The following PATZ1 variants were observed in gnomAD, a reference collection of about 807,000 sequenced individuals.
The protein encoded by PATZ1 is POZ-, AT hook-, and zinc finger-containing protein 1.
Under a neutral mutation model 46.2 loss-of-function variants are expected in PATZ1, and 9 were observed. The observed-to-expected ratio is 0.19, with a 90% CI of 0.12 to 0.34. PATZ1 has a LOEUF of 0.34. PATZ1 is among the 10% of genes least tolerant of loss of function. PATZ1 has a pLI of 1.00. For missense variants in PATZ1, 632 were observed against 923.0 expected, an observed-to-expected ratio of 0.68 and a Z score of 4.08; for synonymous variants, 426 against 378.6, an observed-to-expected ratio of 1.13 and a Z score of -1.45.
Position 31,345,765 on chromosome 22 carries a change from C to G in PATZ1, c.-163G>C. The G allele has an allele frequency of 4.4e-6, 3 of 685,526 alleles. No homozygotes were observed. Among genetic ancestry groups the G allele is most frequent in the Admixed American group, 6.2e-5 (2 of 32,320 alleles). The allele number at this position is 685,526 out of a possible 1,614,324, so 42.5% of individuals were successfully genotyped here. ...TGCGCCGAGTGTACACGCCCCCAGC[C>G]CGGATCAGACTGTCTAGACTGCGGG... On this transcript the variant is annotated 5_prime_UTR_variant, in exon 1 of 5. Coordinates refer to ENST00000266269, the MANE Select transcript of PATZ1 (RefSeq NM_014323.3). This position sits in a 1 kb window ranked among gnomAD's most constrained non-coding sequence, Gnocchi z 7.4.
rs761667283 is a variant in PATZ1 at position 31,338,608 on chromosome 22, C to G, written c.1336-2745G>C. 1.4e-3 allele frequency among the ~76,000 whole-genome samples: 214 copies of G among 152,302 alleles called. 5 individuals are homozygous for G. The highest frequency in any genetic ancestry group is 7.4e-5 in the Non-Finnish European group (5 of 68,024). On this transcript the variant is annotated intron_variant, in intron 2 of 4. Coordinates refer to ENST00000266269, the MANE Select transcript of PATZ1 (RefSeq NM_014323.3). ...AGAGCAGGGGCTGCATAAACACCCC[C>G]GGGAAAGAGAGGTACACCTGTTGAT...
Position 31,326,154 on chromosome 22 carries a change from T to G in PATZ1, c.*737A>C, listed in dbSNP as rs1392627940. The G allele has an allele frequency of 4.5e-6, 1 of 222,736 alleles. No homozygotes were observed. The highest frequency in any genetic ancestry group is 6.6e-5 in the East Asian group (1 of 15,242). 13.8% of individuals were successfully genotyped at this position (222,736 alleles called of 1,614,324 possible). A position where few individuals can be genotyped will look rare whatever the true frequency, so the allele number is the denominator to read the frequency against. The stretch of plus-strand genomic sequence containing the variant: ...GCTTTCAGTAGCAATTCACTACAAC[T>G]GGTCCTAAAAAATAATAACAATAAT... On this transcript the variant is annotated 3_prime_UTR_variant, in exon 5 of 5. Transcript: ENST00000266269.
chr22:31,336,475 A>C (rs131209), intron 2 of PATZ1, among the ~76,000 whole-genome samples: 1 of 151,870 alleles, frequency 6.6e-6, no homozygotes, highest in Non-Finnish European at 1.5e-5. Context: ...TTCTGACGAC[A>C]TGAGAATTAG....
At position 31,326,552 on chromosome 22, in the gene PATZ1, G is replaced by A; in HGVS notation, c.*339C>T. 3.4e-6 allele frequency: 1 copy of A among 294,476 alleles called. No homozygotes were observed. The highest frequency in any genetic ancestry group is 6.4e-6 in the Non-Finnish European group (1 of 156,596). The allele number at this position is 294,476 out of a possible 1,614,324, so 18.2% of individuals were successfully genotyped here. A position where few individuals can be genotyped will look rare whatever the true frequency, so the allele number is the denominator to read the frequency against. On this transcript the variant is annotated 3_prime_UTR_variant, in exon 5 of 5. Transcript: ENST00000266269. ...AGGTCCCAGAATATCATAGATTTGGGTATAGGATTGGGGTCACTAAGAATT... is the reference window on the plus strand; with the variant it reads ...AGGTCCCAGAATATCATAGATTTGGATATAGGATTGGGGTCACTAAGAATT...
chr22:31,326,861 GGT>G lies in PATZ1; in HGVS notation c.*28_*29del, dbSNP rs1569022556. On this transcript the variant is annotated 3_prime_UTR_variant, in exon 5 of 5. Coordinates refer to ENST00000266269, the MANE Select transcript of PATZ1 (RefSeq NM_014323.3). ...CAGCATTTCCCAGCAGTCCCCAGATGGTTGTTTCCGTGGGGACACAGCAGCTG... is the reference window on the plus strand; with the variant it reads ...CAGCATTTCCCAGCAGTCCCCAGATGTGTTTCCGTGGGGACACAGCAGCTG... 3.2e-6 allele frequency: 5 copies of G among 1,574,840 alleles called. No individual in the cohort carries two copies. Among genetic ancestry groups the G allele is most frequent in the Non-Finnish European group, 4.3e-6 (5 of 1,155,460 alleles).
intron 3 of PATZ1, among the ~76,000 whole-genome samples, chr22:31,332,438 A>G (rs2049455393): frequency 6.6e-6 from 1 of 152,246 alleles, no homozygotes; most frequent in Non-Finnish European, 1.5e-5. Flanking sequence ...GGAGATGCTG[A>G]GCACACATAT....
At position 31,344,321 on chromosome 22, in the gene PATZ1, C is replaced by A. The variant is rs183514009; in HGVS notation, c.1271+11G>T. The stretch of plus-strand genomic sequence containing the variant: ...CGTGTGGCAGGGGAGGAAGAGGGGG[C>A]CTTTCCTCACCTGGAGAAGCCTTTC... On this transcript the variant is annotated intron_variant, in intron 1 of 4. Coordinates refer to ENST00000266269, the MANE Select transcript of PATZ1 (RefSeq NM_014323.3). 6 of 1,583,380 alleles carry A rather than the reference C, an allele frequency of 3.8e-6. No individual in the cohort carries two copies. Among genetic ancestry groups the A allele is most frequent in the Non-Finnish European group, 5.2e-6 (6 of 1,164,034 alleles).
At chr22:31,339,181 T>G (rs1288461185) in intron 2 of PATZ1, among the ~76,000 whole-genome samples, 1 of 152,240 alleles carries the variant, frequency 6.6e-6, no homozygotes, top group East Asian at 1.9e-4. Flanking sequence ...CAGACTGGGC[T>G]GGCTTCCCCC....
rs150418532 is a variant in PATZ1, at chr22:31,335,546, G to A, written c.1507+146C>T. 6,812 of 713,286 alleles carry A rather than the reference G, an allele frequency of 9.6e-3. 47 individuals are homozygous for A. The highest frequency in any genetic ancestry group is 0.012 in the Non-Finnish European group (5,166 of 434,834). 44.2% of individuals were successfully genotyped at this position (713,286 alleles called of 1,614,324 possible). A position where few individuals can be genotyped will look rare whatever the true frequency, so the allele number is the denominator to read the frequency against. On this transcript the variant is annotated intron_variant, in intron 3 of 4. Coordinates refer to ENST00000266269, the MANE Select transcript of PATZ1 (RefSeq NM_014323.3). ...GAAGAGGTAGCAAATAGCTAGTTGGGTGATGAAGGTGTTTATCATTCAGTG... is the reference window on the plus strand; with the variant it reads ...GAAGAGGTAGCAAATAGCTAGTTGGATGATGAAGGTGTTTATCATTCAGTG...
intron 2 of PATZ1, among the ~76,000 whole-genome samples, chr22:31,339,229 G>A (rs1244754503): frequency 6.6e-6 from 1 of 152,168 alleles, no homozygotes; most frequent in African/African-American, 2.4e-5. Flanking sequence ...AGGAATGAAA[G>A]CTAACTTTCG....
Position 31,345,586 on chromosome 22 carries a change from T to C in PATZ1, c.17A>G (p.Asp6Gly). The C allele has an allele frequency of 6.3e-7, 1 of 1,592,504 alleles. No individual in the cohort carries two copies. The highest frequency in any genetic ancestry group is 8.6e-7 in the Non-Finnish European group (1 of 1,164,348). ...GCAGCCAGACGGGCCGCACGAAGCG[T>C]CGTTCACCCGCTCCATGGCCGCCGC... MERVN[D>G]ASCGPSGCYT... Residue 6 changes from aspartate (D) to glycine (G), a missense_variant, in exon 1 of 5, where the codon GAC (aspartate) becomes GGC (glycine). Asp to Gly is a moderately conservative substitution (Grantham distance 94). Around this residue, in one of 7 missense-constraint regions of PATZ1, gnomAD observed 30 missense variants for 27.7 expected, o/e 1.08. Coordinates refer to ENST00000266269, the MANE Select transcript of PATZ1 (RefSeq NM_014323.3). This position sits in a 1 kb window ranked among gnomAD's most constrained non-coding sequence, Gnocchi z 7.4.
intron 2 of PATZ1, among the ~76,000 whole-genome samples, chr22:31,339,493 G>C (rs371791127): frequency 6.6e-6 from 1 of 152,172 alleles, no homozygotes. Context: ...AAGGGGCGGA[G>C]GGAGACAGAT....
intron 2 of PATZ1, 75 bp downstream of exon 2, chr22:31,342,822 C>A: frequency 6.5e-7 from 1 of 1,528,992 alleles, no homozygotes; most frequent in Non-Finnish European, 9.0e-7. Flanking sequence ...GCACACGCAG[C>A]GGCTGGCTCA....
At position 31,345,863 on chromosome 22, in the gene PATZ1, G is replaced by A. The variant is rs1419339452; in HGVS notation, c.-261C>T. On this transcript the variant is annotated 5_prime_UTR_variant, in exon 1 of 5. Transcript: ENST00000266269. This position sits in a 1 kb window ranked among gnomAD's most constrained non-coding sequence, Gnocchi z 7.4. ...GCCACTCTCTCCTCTCCGCCCGCCC[G>A]CCTCCCCTTCCCGGTCTACCTTCCG... is the stretch of plus-strand genomic sequence containing the variant. 7 of 396,498 alleles carry A rather than the reference G, an allele frequency of 1.8e-5. No individual in the cohort carries two copies. In the East Asian group the frequency reaches 2.2e-4, roughly 13 times the overall value. The allele number at this position is 396,498 out of a possible 1,614,324, so 24.6% of individuals were successfully genotyped here.
intron 1 of PATZ1, 126 bp downstream of exon 1, chr22:31,344,206 C>G (rs2145829886): frequency 3.5e-6 from 3 of 856,962 alleles, no homozygotes; most frequent in South Asian, 1.7e-5. Flanking sequence ...AACACTCTAC[C>G]CAAACCTGGC....
intron 3 of PATZ1, among the ~76,000 whole-genome samples, chr22:31,334,879 C>T (rs1176121946): frequency 6.6e-6 from 1 of 152,156 alleles, no homozygotes; most frequent in Non-Finnish European, 1.5e-5. Flanking sequence ...CATCCCAGTG[C>T]TCCCCACTGG....
chr22:31,339,943 A>T (rs2049559550), intron 2 of PATZ1, among the ~76,000 whole-genome samples: 1 of 152,180 alleles, frequency 6.6e-6, no homozygotes, highest in Non-Finnish European at 1.5e-5. Context: ...AGCCCTGGAA[A>T]ACTCTAAGGG....
intron 3 of PATZ1, chr22:31,335,433 C>A: frequency 2.3e-6 from 1 of 442,674 alleles, no homozygotes; most frequent in Non-Finnish European, 4.1e-6. Flanking sequence ...GTTATGGGCC[C>A]AAGCTTGGGA....
chr22:31,339,460 C>G (rs2049552694), intron 2 of PATZ1, among the ~76,000 whole-genome samples: 1 of 152,172 alleles, frequency 6.6e-6, no homozygotes, highest in Non-Finnish European at 1.5e-5. Flanking sequence ...CATGAAAGAG[C>G]CTGGTCACAC....
Sources: gnomAD v4.1 joint callset for allele counts (sites outside exome capture counted in the v4.1 genomes callset) on GRCh38, gnomAD v4.1.1 for gene constraint, gnomAD v4.1.1 regional missense constraint, Gnocchi (gnomAD v3.1) non-coding constraint, MANE v1.5 for transcripts, NCBI Gene and HGNC (gene_info 2026-07-23, HGNC 2026-07-21) for gene names.